The following LCTL variants were observed in gnomAD, a reference collection of about 807,000 sequenced individuals.
LCTL encodes the protein lactase like.
Under a neutral mutation model 75.8 loss-of-function variants are expected in LCTL, and 76 were observed. The ratio of observed to expected loss-of-function variants is 1.00; its 90% CI spans 0.83 to 1.21. The LOEUF is 1.21. Among genes scored for constraint, LCTL ranks in the 50% most tolerant of loss-of-function variants. The pLI is 0.00. For missense variants in LCTL, 670 were observed against 712.4 expected, an observed-to-expected ratio of 0.94 and a Z score of 0.68; for synonymous variants, 271 against 268.8, an observed-to-expected ratio of 1.01 and a Z score of -0.08.
chr15:66,561,370 G>C, intron 4 of LCTL, 55 bp from the exon 6 acceptor site: 1 of 1,605,840 alleles, frequency 6.2e-7, no homozygotes, highest in Admixed American at 1.7e-5. Context: ...CGGTTTAAAT[G>C]TGGAGATAAG....
At chr15:66,548,692 T>C in intron 12 of LCTL, 87 bp from the exon 14 acceptor site, 1 of 576,308 alleles carries the variant, frequency 1.7e-6, no homozygotes, top group Non-Finnish European at 3.1e-6. Context: ...TTAACTGTAT[T>C]GGGAAAACTT....
At chr15:66,548,415 G>A in exon 13 of LCTL, 4 of 699,764 alleles carry the variant, frequency 5.7e-6, no homozygotes, top group Middle Eastern at 5.1e-4. Context: ...AGCAATGTAT[G>A]GAAACCCTCA....
intron 4 of LCTL, 97 bp from the exon 6 acceptor site, chr15:66,561,412 A>G (rs1895886484): frequency 7.4e-7 from 1 of 1,348,348 alleles, no homozygotes; most frequent in Non-Finnish European, 1.0e-6. Flanking sequence ...AACAGGAGGG[A>G]GGCCGCACAG....
chr15:66,561,437 T>C lies in LCTL; in HGVS notation c.481-122A>G, dbSNP rs1001721300. On this transcript the variant is annotated intron_variant, in intron 4 of 12. Coordinates refer to ENST00000341509, the Ensembl canonical transcript of LCTL. Reference sequence around the variant, plus strand: ...AGGCCGCACAGGGAGACTGGGACTCTCATGCCTAGAAAGAACTGGATGGAT... The same window carrying C: ...AGGCCGCACAGGGAGACTGGGACTCCCATGCCTAGAAAGAACTGGATGGAT... The C allele has an allele frequency of 6.4e-6, 7 of 1,087,018 alleles. 1 individual carries two copies. In the African/African-American group the frequency reaches 1.1e-4, roughly 17 times the overall value. The allele number at this position is 1,087,018 out of a possible 1,614,324, so 67.3% of individuals were successfully genotyped here. A position where few individuals can be genotyped will look rare whatever the true frequency, so the allele number is the denominator to read the frequency against.
In LCTL at chr15:66,561,187, C is replaced by T. The variant is rs1895877984; in HGVS notation, c.609G>A (p.Arg203=). The T allele has an allele frequency of 2.5e-6, 4 of 1,614,194 alleles. No individual in the cohort carries two copies. The East Asian group carries it at 6.7e-5, about 27-fold the overall frequency. ...TCCCACCTGGAGGGGCCCTGCTTAC[C>T]CGAGGATCACTGAACGTGATCCAGT... Residue 203 remains arginine, a splice_region_variant and synonymous_variant, in exon 5 of 13, where the codon CGG becomes CGA. Transcript: ENST00000341509.
At chr15:66,549,903 T>C in intron 12 of LCTL, 138 bp downstream of exon 13, 1 of 511,786 alleles carries the variant, frequency 2.0e-6, no homozygotes, top group South Asian at 4.2e-5. Context: ...TGACATTGCT[T>C]CAAAGAAACC....
chr15:66,547,653 G>A (rs962518887), exon 13 of LCTL: 2 of 152,224 alleles, frequency 1.3e-5, no homozygotes, highest in South Asian at 2.1e-4. Flanking sequence ...GTTGAATTTA[G>A]TCAGAGTTGT....
chr15:66,552,209 G>T, intron 9 of LCTL, 40 bp from the exon 11 acceptor site: 1 of 1,580,986 alleles, frequency 6.3e-7, no homozygotes, highest in South Asian at 1.2e-5. Context: ...TAAAAATTCT[G>T]ACCTACAGGT....
exon 9 of LCTL, chr15:66,553,164 C>T: frequency 2.5e-6 from 4 of 1,611,470 alleles, no homozygotes; most frequent in Non-Finnish European, 3.4e-6. Flanking sequence ...GACCTAATCC[C>T]AAGAAATCGG....
chr15:66,549,999 A>C, intron 12 of LCTL, 42 bp downstream of exon 13: 1 of 1,322,266 alleles, frequency 7.6e-7, no homozygotes, highest in Admixed American at 2.3e-5. Context: ...ATAATTATTT[A>C]GTTTAATTAT....
At chr15:66,550,466 T>A (rs1895555624) in intron 11 of LCTL, among the ~76,000 whole-genome samples, 1 of 152,186 alleles carries the variant, frequency 6.6e-6, no homozygotes, top group African/African-American at 2.4e-5. Flanking sequence ...AAAATTATTT[T>A]TATTAAGACA....
At chr15:66,564,170 G>A (rs1038472987) in intron 2 of LCTL, 172 bp from the exon 4 acceptor site, 1 of 611,638 alleles carries the variant, frequency 1.6e-6, no homozygotes, top group South Asian at 1.9e-5. Context: ...ACTTCATGCA[G>A]GGGATATGCC....
chr15:66,563,474 G>C (rs990457269), intron 4 of LCTL, 42 bp downstream of exon 5: 24 of 1,444,636 alleles, frequency 1.7e-5, no homozygotes, highest in Non-Finnish European at 2.1e-5. Context: ...CTCCTGCTTA[G>C]TTGAGTCCCC....
intron 4 of LCTL, among the ~76,000 whole-genome samples, chr15:66,563,095 G>A (rs1378198763): frequency 6.6e-6 from 1 of 152,122 alleles, no homozygotes; most frequent in African/African-American, 2.4e-5. Flanking sequence ...AACAGTATGG[G>A]GAAGTGTAGT....
At chr15:66,553,684 G>T (rs1567059027) in intron 8 of LCTL, among the ~76,000 whole-genome samples, 1 of 151,652 alleles carries the variant, frequency 6.6e-6, no homozygotes, top group Non-Finnish European at 1.5e-5. Flanking sequence ...GAATCCAGGA[G>T]GTGGAGCTTG....
rs752586827 is a variant in LCTL, at chr15:66,553,104, C to T, written c.1077G>A (p.Gly359=). ...AGTCACGATCGTTCTGGTAGCTGGG[C>T]CCCTGGCGGGAGGGGTAGTTCCTTT... The change falls in exon 9 of 13, where the codon GGG becomes GGA. Residue 359 remains glycine (G), a synonymous_variant. Coordinates refer to ENST00000341509, the Ensembl canonical transcript of LCTL. The T allele has an allele frequency of 6.8e-6, 11 of 1,611,044 alleles. No homozygotes were observed. In the South Asian group the frequency reaches 7.8e-5, roughly 11 times the overall value.
chr15:66,560,196 A>G (rs1017773096), intron 6 of LCTL, among the ~76,000 whole-genome samples: 1 of 152,112 alleles, frequency 6.6e-6, no homozygotes, highest in Admixed American at 6.6e-5. Flanking sequence ...GAGTTTGGGG[A>G]TCTGGAATGT....
intron 11 of LCTL, among the ~76,000 whole-genome samples, chr15:66,551,406 T>C (rs1315783018): frequency 1.3e-5 from 2 of 148,664 alleles, no homozygotes; most frequent in Non-Finnish European, 3.0e-5. Flanking sequence ...ACTATAAGTC[T>C]CTATTGTTTT....
chr15:66,563,574 G>T, exon 4 of LCTL: 1 of 1,612,698 alleles, frequency 6.2e-7, no homozygotes. Context: ...GCTCAGAAGG[G>T]CATCGATAAG....
Sources: gnomAD v4.1 joint callset for allele counts (sites outside exome capture counted in the v4.1 genomes callset) on GRCh38, gnomAD v4.1.1 for gene constraint, MANE v1.5 for transcripts, NCBI Gene and HGNC (gene_info 2026-07-23, HGNC 2026-07-21) for gene names.